TRDN: variants seen among roughly 807,000 people sequenced by gnomAD.
TRDN encodes the protein triadin, also known as triadin in skeletal muscle.
Under a neutral mutation model 149.7 loss-of-function variants are expected in TRDN, and 161 were observed. The ratio of observed to expected loss-of-function variants is 1.08; its 90% CI spans 0.95 to 1.23. The LOEUF is 1.23. Among genes scored for constraint, TRDN ranks in the 50% most tolerant of loss-of-function variants. TRDN has a pLI of 0.00. For missense variants in TRDN, 896 were observed against 823.5 expected (o/e 1.09, Z -1.08); for synonymous variants, 294 against 250.5 (o/e 1.17, Z -1.64).
At chr6:123,382,032 C>T in intron 15 of TRDN, 86 bp downstream of exon 15, 1 of 891,268 alleles carries the variant, frequency 1.1e-6, no homozygotes, top group Non-Finnish European at 1.5e-6. Flanking sequence ...ACACATAATT[C>T]TTTCTTCTAC....
chr6:123,341,549 C>T (rs899635144), intron 21 of TRDN, among the ~76,000 whole-genome samples: 13 of 151,688 alleles, frequency 8.6e-5, no homozygotes, highest in African/African-American at 3.1e-4. Context: ...TCCTCTATCT[C>T]TAACTGGACA....
chr6:123,563,524 G>T (rs941140995), intron 2 of TRDN, among the ~76,000 whole-genome samples: 1 of 152,068 alleles, frequency 6.6e-6, no homozygotes, highest in African/African-American at 2.4e-5. Flanking sequence ...GAATCTATGC[G>T]TATAATAAGA....
chr6:123,629,159 A>G (rs1224646487), intron 1 of TRDN, among the ~76,000 whole-genome samples: 3 of 152,112 alleles, frequency 2.0e-5, no homozygotes, highest in African/African-American at 4.8e-5. Context: ...TCTTGACATT[A>G]TATTAAATGT....
At chr6:123,467,765 G>A (rs1336205417) in intron 9 of TRDN, among the ~76,000 whole-genome samples, 1 of 152,022 alleles carries the variant, frequency 6.6e-6, no homozygotes, top group East Asian at 1.9e-4. Flanking sequence ...TTAGGTGAAT[G>A]AATACATTAT....
intron 19 of TRDN, among the ~76,000 whole-genome samples, chr6:123,374,005 A>T (rs970667073): frequency 3.3e-5 from 5 of 152,206 alleles, no homozygotes; most frequent in Non-Finnish European, 2.9e-5. Flanking sequence ...AGTTGGGAAA[A>T]TGGCTGGTCA....
rs556667513 is a variant in TRDN, at chr6:123,620,010, A to G, written c.22+16744T>C. On this transcript the variant is annotated intron_variant, in intron 1 of 40. Transcript: ENST00000334268. Reference sequence around the variant, plus strand: ...TTCTCTCTTTGATTTCTTTTCCTCCATCTCCATTCTTCAGATTTCCATTGC... The same window carrying G: ...TTCTCTCTTTGATTTCTTTTCCTCCGTCTCCATTCTTCAGATTTCCATTGC... Among the ~76,000 whole-genome samples the G allele has an allele frequency of 6.6e-5, 10 of 152,196 alleles. No individual in the cohort carries two copies. In the East Asian group the frequency reaches 1.7e-3, roughly 27 times the overall value.
intron 5 of TRDN, among the ~76,000 whole-genome samples, chr6:123,522,188 TG>T (rs1236594935): frequency 2.0e-5 from 3 of 152,152 alleles, no homozygotes; most frequent in African/African-American, 7.2e-5. Context: ...ACAATACAGG[TG>T]GATGTAGCAG....
chr6:123,524,990 T>TC (rs1779875500), intron 5 of TRDN, among the ~76,000 whole-genome samples: 2 of 152,180 alleles, frequency 1.3e-5, no homozygotes, highest in South Asian at 2.1e-4. Context: ...GAAATGCAAC[T>TC]CACAACCACA....
At chr6:123,414,493 T>C (rs935938649) in intron 12 of TRDN, among the ~76,000 whole-genome samples, 3 of 152,076 alleles carry the variant, frequency 2.0e-5, no homozygotes, top group African/African-American at 7.2e-5. Flanking sequence ...AAATAACAAA[T>C]GCATATATAC....
chr6:123,249,729 T>C (rs1174057290), intron 38 of TRDN, among the ~76,000 whole-genome samples: 1 of 152,054 alleles, frequency 6.6e-6, no homozygotes, highest in Non-Finnish European at 1.5e-5. Context: ...AGCTAAATGA[T>C]GTGTACACAT....
chr6:123,615,262 T>C (rs1170535585), intron 1 of TRDN, among the ~76,000 whole-genome samples: 1 of 152,066 alleles, frequency 6.6e-6, no homozygotes, highest in Non-Finnish European at 1.5e-5. Context: ...AAACTGAAAA[T>C]ATAACTACCA....
chr6:123,393,243 T>A (rs1022582576), intron 13 of TRDN, among the ~76,000 whole-genome samples: 1 of 152,102 alleles, frequency 6.6e-6, no homozygotes, highest in African/African-American at 2.4e-5. Context: ...AACATTCTGA[T>A]CTTCTCATGT....
intron 4 of TRDN, among the ~76,000 whole-genome samples, chr6:123,544,632 G>A (rs1175805703): frequency 1.3e-5 from 2 of 151,944 alleles, no homozygotes; most frequent in Non-Finnish European, 2.9e-5. Context: ...ATTTATAACA[G>A]TATTTGGTTT....
intron 1 of TRDN, among the ~76,000 whole-genome samples, chr6:123,576,130 A>G (rs550515256): frequency 1.3e-5 from 2 of 152,292 alleles, no homozygotes; most frequent in South Asian, 2.1e-4. Context: ...CTTTAAGAAC[A>G]TAATTCCCAA....
chr6:123,401,348 C>T (rs960789223), intron 12 of TRDN, among the ~76,000 whole-genome samples: 1 of 152,162 alleles, frequency 6.6e-6, no homozygotes, highest in Admixed American at 6.5e-5. Context: ...GAGGCTATTT[C>T]TAAGCAAACG....
At chr6:123,436,704 C>T (rs1013111550) in intron 12 of TRDN, among the ~76,000 whole-genome samples, 4 of 152,120 alleles carry the variant, frequency 2.6e-5, no homozygotes, top group East Asian at 3.9e-4. Flanking sequence ...GTTCCCCACC[C>T]TGAAGTTTTC....
intron 9 of TRDN, among the ~76,000 whole-genome samples, chr6:123,493,997 T>G (rs1778329530): frequency 6.6e-6 from 1 of 152,210 alleles, no homozygotes; most frequent in African/African-American, 2.4e-5. Flanking sequence ...ACAGGCATAT[T>G]ACATAGGCTT....
At chr6:123,453,580 A>G (rs1051059494) in intron 10 of TRDN, among the ~76,000 whole-genome samples, 1 of 149,132 alleles carries the variant, frequency 6.7e-6, no homozygotes, top group Non-Finnish European at 1.5e-5. Context: ...TCCTGCAAGA[A>G]TGGCCATAAT....
intron 1 of TRDN, among the ~76,000 whole-genome samples, chr6:123,605,871 C>A (rs1157257252): frequency 6.6e-6 from 1 of 152,104 alleles, no homozygotes; most frequent in Admixed American, 6.6e-5. Flanking sequence ...TATTAAGCCT[C>A]CTATTTTGTT....
Sources: gnomAD v4.1 joint callset for allele counts (sites outside exome capture counted in the v4.1 genomes callset) on GRCh38, gnomAD v4.1.1 for gene constraint, MANE v1.5 for transcripts, NCBI Gene and HGNC (gene_info 2026-07-23, HGNC 2026-07-21) for gene names.